FAM222A: variants seen among roughly 807,000 people sequenced by gnomAD.
FAM222A encodes family with sequence similarity 222 member A.
A neutral mutation model predicts 25.8 loss-of-function variants in FAM222A; 7 were observed. The ratio of observed to expected loss-of-function variants is 0.27; its 90% CI spans 0.15 to 0.51. The LOEUF is 0.51. Among genes scored for constraint, FAM222A ranks in the 20% least tolerant of loss-of-function variants. The probability of loss-of-function intolerance (pLI) is 0.97; values close to 1 mark genes in which losing one functional copy is unlikely to be tolerated. For synonymous variants in FAM222A, 294 were observed against 298.8 expected (o/e 0.98, Z 0.17); for missense variants, 573 against 640.5 (o/e 0.89, Z 1.14).
chr12:109,764,636 T>C (rs991882277), intron 2 of FAM222A, among the ~76,000 whole-genome samples: 82 of 152,278 alleles, frequency 5.4e-4, no homozygotes, highest in African/African-American at 2.0e-3. Flanking sequence ...ATATAATTTT[T>C]TTTTCCCCGG....
At chr12:109,717,997 T>C (rs1478605564) in intron 1 of FAM222A, among the ~76,000 whole-genome samples, 3 of 152,108 alleles carry the variant, frequency 2.0e-5, no homozygotes, top group Admixed American at 2.0e-4. Context: ...AGCCCGCCGC[T>C]TGCAGGCTGT....
chr12:109,768,004 T>A lies in FAM222A; in HGVS notation c.83-8T>A, dbSNP rs758937407. On this transcript the variant is annotated splice_polypyrimidine_tract_variant and splice_region_variant and intron_variant, in intron 2 of 2. Coordinates refer to ENST00000538780, the MANE Select transcript of FAM222A (RefSeq NM_032829.3). ...TGATGGGCCCTCACACCTGCTTTCCTCCCACAGGCGAGGCGGTGGCCAGCG... is the reference window on the plus strand; with the variant it reads ...TGATGGGCCCTCACACCTGCTTTCCACCCACAGGCGAGGCGGTGGCCAGCG... 6 of 1,608,980 alleles carry A rather than the reference T, an allele frequency of 3.7e-6. No individual in the cohort carries two copies. Among genetic ancestry groups the A allele is most frequent in the Non-Finnish European group, 5.1e-6 (6 of 1,176,988 alleles).
At chr12:109,756,269 A>G (rs1319359682) in intron 2 of FAM222A, among the ~76,000 whole-genome samples, 1 of 152,116 alleles carries the variant, frequency 6.6e-6, no homozygotes, top group East Asian at 1.9e-4. Context: ...TTGATCTTGT[A>G]TCCTGCAACC....
intron 1 of FAM222A, among the ~76,000 whole-genome samples, chr12:109,727,018 G>A (rs903561859): frequency 2.0e-5 from 3 of 152,142 alleles, no homozygotes; most frequent in Non-Finnish European, 4.4e-5. Context: ...CTGGGAGGTG[G>A]GGATGCTGAA....
At chr12:109,717,736 C>T (rs1173704831) in intron 1 of FAM222A, among the ~76,000 whole-genome samples, 1 of 152,184 alleles carries the variant, frequency 6.6e-6, no homozygotes, top group Non-Finnish European at 1.5e-5. Flanking sequence ...TGGAAGTGGC[C>T]ACCTCGGTTC....
intron 1 of FAM222A, among the ~76,000 whole-genome samples, chr12:109,741,006 CA>C (rs1247049866): frequency 1.3e-5 from 2 of 152,166 alleles, no homozygotes; most frequent in African/African-American, 2.4e-5. Context: ...GAAGGAGGGC[CA>C]GGGGGAGCCA....
chr12:109,723,374 C>T (rs922126038), intron 1 of FAM222A, among the ~76,000 whole-genome samples: 6 of 152,338 alleles, frequency 3.9e-5, no homozygotes, highest in African/African-American at 1.4e-4. Context: ...CTTCTTGGCA[C>T]CACTGTAGAT....
intron 2 of FAM222A, among the ~76,000 whole-genome samples, chr12:109,746,672 A>G (rs1888406534): frequency 6.6e-6 from 1 of 152,214 alleles, no homozygotes; most frequent in Non-Finnish European, 1.5e-5. Context: ...GGAGTGTACA[A>G]TTCAATGATT....
At chr12:109,726,735 C>A (rs181341191) in intron 1 of FAM222A, among the ~76,000 whole-genome samples, 4 of 152,112 alleles carry the variant, frequency 2.6e-5, no homozygotes, top group Non-Finnish European at 5.9e-5. Context: ...GTGCTGTTCC[C>A]GCTTCCCTAG....
At chr12:109,749,522 G>T (rs1888501746) in intron 2 of FAM222A, among the ~76,000 whole-genome samples, 1 of 152,190 alleles carries the variant, frequency 6.6e-6, no homozygotes, top group African/African-American at 2.4e-5. Flanking sequence ...TATGCTAATT[G>T]TTGTGAGCTT....
chr12:109,751,147 C>CT (rs1888548571), intron 2 of FAM222A, among the ~76,000 whole-genome samples: 1 of 152,088 alleles, frequency 6.6e-6, no homozygotes, highest in Non-Finnish European at 1.5e-5. Context: ...ATGTTGCTCA[C>CT]TTTTTTTCCC....
chr12:109,726,843 G>A (rs1243814350), intron 1 of FAM222A, among the ~76,000 whole-genome samples: 3 of 152,130 alleles, frequency 2.0e-5, no homozygotes, highest in South Asian at 2.1e-4. Context: ...ACCCCCATCC[G>A]CCCTTGCCTT....
At chr12:109,761,744 G>C (rs997228868) in intron 2 of FAM222A, among the ~76,000 whole-genome samples, 1 of 152,248 alleles carries the variant, frequency 6.6e-6, no homozygotes, top group East Asian at 1.9e-4. Flanking sequence ...ACTCTGCCTG[G>C]AGCTGGCAGT....
intron 1 of FAM222A, among the ~76,000 whole-genome samples, chr12:109,741,243 G>A (rs1349868365): frequency 6.6e-6 from 1 of 152,198 alleles, no homozygotes; most frequent in African/African-American, 2.4e-5. Context: ...TGGGCAGTGA[G>A]TTGGGAGAAC....
intron 1 of FAM222A, among the ~76,000 whole-genome samples, chr12:109,731,754 G>A (rs189048130): frequency 8.0e-4 from 122 of 152,264 alleles, no homozygotes; most frequent in Non-Finnish European, 1.4e-3. Context: ...TCTGGGGCCC[G>A]TGTGTTCTGG....
At position 109,744,101 on chromosome 12, in the gene FAM222A, G is replaced by C. The variant is rs765188526; in HGVS notation, c.-46G>C. Reference sequence around the variant, plus strand: ...AGAGCACCCCATCTTCCTCCTGCAGGGACCCAGTCGCAGAGCGCACCCCAC... The same window carrying C: ...AGAGCACCCCATCTTCCTCCTGCAGCGACCCAGTCGCAGAGCGCACCCCAC... On this transcript the variant is annotated splice_region_variant and 5_prime_UTR_variant, in exon 2 of 3. Coordinates refer to ENST00000538780, the MANE Select transcript of FAM222A (RefSeq NM_032829.3). The C allele has an allele frequency of 6.2e-7, 1 of 1,600,140 alleles. No homozygotes were observed. Among genetic ancestry groups the C allele is most frequent in the South Asian group, 1.1e-5 (1 of 90,162 alleles).
intron 2 of FAM222A, among the ~76,000 whole-genome samples, chr12:109,761,483 A>G (rs375199199): frequency 6.6e-6 from 1 of 152,152 alleles, no homozygotes; most frequent in South Asian, 2.1e-4. Context: ...TCCCCCTGCC[A>G]TCCCATAACC....
At chr12:109,723,002 T>TGGGG (rs141202990) in intron 1 of FAM222A, among the ~76,000 whole-genome samples, 1 of 61,814 alleles carries the variant, frequency 1.6e-5, no homozygotes, top group Non-Finnish European at 4.8e-5. Flanking sequence ...AGGGAGCGGG[T>TGGGG]GGGGGGGGGA....
At chr12:109,720,890 C>T (rs1887734706) in intron 1 of FAM222A, among the ~76,000 whole-genome samples, 1 of 152,176 alleles carries the variant, frequency 6.6e-6, no homozygotes, top group Non-Finnish European at 1.5e-5. Flanking sequence ...ACAAGCCAGA[C>T]GTGGGCCCTG....
Sources: allele counts gnomAD v4.1 joint callset (sites outside exome capture counted in the v4.1 genomes callset), GRCh38; gene constraint gnomAD v4.1.1; transcripts MANE v1.5; gene names NCBI Gene and HGNC (gene_info 2026-07-23, HGNC 2026-07-21).